The following MAFG variants were observed in gnomAD, a reference collection of about 807,000 sequenced individuals.
MAFG encodes the protein MAF bZIP transcription factor G.
Under a neutral mutation model 12.2 loss-of-function variants are expected in MAFG, and 3 were observed. The observed-to-expected ratio is 0.25, with a 90% confidence interval of 0.11 to 0.64. The LOEUF is 0.64. Among genes scored for constraint, MAFG ranks in the 30% least tolerant of loss-of-function variants. The pLI, the probability that MAFG is intolerant of heterozygous loss-of-function variation, is 0.85. For synonymous variants in MAFG, 126 were observed against 109.1 expected, an observed-to-expected ratio of 1.15 and a Z score of -0.96; for missense variants, 153 against 235.5, an observed-to-expected ratio of 0.65 and a Z score of 2.29.
intron 1 of MAFG, 48 bp from the exon 2 acceptor site, chr17:81,923,262 A>ACCTC: frequency 2.8e-6 from 1 of 361,770 alleles, no homozygotes; most frequent in Non-Finnish European, 3.9e-6. Flanking sequence ...CCCTCGCCGC[A>ACCTC]CCCCCCCCCC....
At chr17:81,925,826 AG>A (rs2040935070) in intron 1 of MAFG, among the ~76,000 whole-genome samples, 2 of 151,144 alleles carry the variant, frequency 1.3e-5, no homozygotes, top group Middle Eastern at 3.4e-3. Flanking sequence ...AAAAAAAAAA[AG>A]ATGTACATAA....
upstream of MAFG, chr17:81,929,715 G>A (rs948104570): frequency 6.5e-6 from 1 of 153,110 alleles, no homozygotes. This position sits in a 1 kb window ranked among gnomAD's most constrained non-coding sequence, Gnocchi z 5.7. Context: ...CTCTCACTCC[G>A]CACACTCATC....
upstream of MAFG, chr17:81,927,773 A>G (rs1313412780): frequency 1.3e-5 from 2 of 152,102 alleles, no homozygotes; most frequent in South Asian, 4.1e-4. Flanking sequence ...TGAAGCGGCG[A>G]CGCGGCCGGC....
At chr17:81,929,901 G>GCATCCTCCCGCCCCAGGCT (rs2040971647), upstream of MAFG, 2 of 145,466 alleles carry the variant, frequency 1.4e-5, no homozygotes, top group African/African-American at 5.7e-5. The surrounding 1 kb of genome is among the most constrained non-coding windows in gnomAD (Gnocchi z 5.7). Context: ...GCACCTCCCG[G>GCATCCTCCCGCCCCAGGCT]GCACCCTCCC....
chr17:81,927,115 C>T (rs1261691142), intron 1 of MAFG, among the ~76,000 whole-genome samples: 1 of 151,650 alleles, frequency 6.6e-6, no homozygotes, highest in Non-Finnish European at 1.5e-5. Context: ...GCTGACGCGG[C>T]CACCGGATGA....
intron 1 of MAFG, 92 bp from the exon 2 acceptor site, chr17:81,923,306 C>G: frequency 1.3e-6 from 1 of 751,222 alleles, no homozygotes; most frequent in South Asian, 1.9e-5. Context: ...GAGCCCTTGC[C>G]GCACAGCCCG....
At chr17:81,925,328 T>C (rs1050650531) in intron 1 of MAFG, among the ~76,000 whole-genome samples, 4 of 152,142 alleles carry the variant, frequency 2.6e-5, no homozygotes, top group Admixed American at 2.6e-4. Flanking sequence ...ATTTGGGAGC[T>C]CCGTCTCCTT....
In MAFG at chr17:81,922,673, C is replaced by T. The variant is rs774502626; in HGVS notation, c.421G>A (p.Val141Ile). The T allele has an allele frequency of 1.1e-5, 17 of 1,506,804 alleles. No individual in the cohort carries two copies. Among genetic ancestry groups the T allele is most frequent in the African/African-American group, 4.2e-5 (3 of 70,766 alleles). 93.3% of individuals were successfully genotyped at this position (1,506,804 alleles called of 1,614,324 possible). A position where few individuals can be genotyped will look rare whatever the true frequency, so the allele number is the denominator to read the frequency against. ...CTGGTGGCGGCCACCTTGCCTGGGA[C>T]GAGGGGCCCCAGGCCGGCGGCAAGG... ...GPLAAGLGPL[V>I]PGKVAATSVI... is the part of the protein sequence containing the mutation. The change falls in exon 3 of 3, where the codon GTC becomes ATC. Residue 141 changes from valine to isoleucine, a missense_variant. Physicochemically the swap from Val to Ile is conservative, Grantham distance 29. Transcript: ENST00000357736.
In MAFG at chr17:81,923,070, G is replaced by C. The variant is rs371380955; in HGVS notation, c.37-13C>G. 5.6e-6 allele frequency: 9 copies of C among 1,607,450 alleles called. No homozygotes were observed. In the African/African-American group the frequency reaches 1.2e-4, roughly 21 times the overall value. On this transcript the variant is annotated splice_polypyrimidine_tract_variant and intron_variant, in intron 2 of 2. Transcript: ENST00000357736. ...GCTCCCGCTTCACCTGGGGCACAGT[G>C]CAGGTGGTCACAGGCCAAGCGGGCA...
At chr17:81,930,148 T>G, upstream of MAFG, 1 of 152,210 alleles carries the variant, frequency 6.6e-6, no homozygotes, top group South Asian at 2.1e-4. This position sits in a 1 kb window ranked among gnomAD's most constrained non-coding sequence, Gnocchi z 4.1. Context: ...CCCAGACGGG[T>G]CCAGTCCAGC....
chr17:81,922,443 TCAGCC>T lies in MAFG; in HGVS notation c.*157_*161del. ...ACGACAATGACGAGATCAAAGGGGC[TCAGCC>T]CGGCGCCCCTGGGGTACAGGTTGTG... is the stretch of plus-strand genomic sequence containing the variant. On this transcript the variant is annotated 3_prime_UTR_variant, in exon 3 of 3. Coordinates refer to ENST00000357736, the MANE Select transcript of MAFG (RefSeq NM_002359.4). The T allele has an allele frequency of 7.4e-6, 4 of 537,224 alleles. No homozygotes were observed. Among genetic ancestry groups the T allele is most frequent in the Admixed American group, 3.9e-5 (1 of 25,484 alleles). 33.3% of individuals were successfully genotyped at this position (537,224 alleles called of 1,614,324 possible).
In MAFG at chr17:81,922,667, C is replaced by T. The variant is rs768656329; in HGVS notation, c.427G>A (p.Gly143Ser). Reference sequence around the variant, plus strand: ...ATGACGCTGGTGGCGGCCACCTTGCCTGGGACGAGGGGCCCCAGGCCGGCG... The same window carrying T: ...ATGACGCTGGTGGCGGCCACCTTGCTTGGGACGAGGGGCCCCAGGCCGGCG... ...LAAGLGPLVP[G>S]KVAATSVITI... Residue 143 changes from glycine (G) to serine (S), a missense_variant, in exon 3 of 3, where the codon GGC (glycine) becomes AGC (serine). Around this residue, in one of 3 missense-constraint regions of MAFG, gnomAD observed 81 missense variants for 94.7 expected, o/e 0.86. Coordinates refer to ENST00000357736, the MANE Select transcript of MAFG (RefSeq NM_002359.4). 7 of 1,506,702 alleles carry T rather than the reference C, an allele frequency of 4.6e-6. No homozygotes were observed. In the African/African-American group the frequency reaches 7.1e-5, roughly 15 times the overall value. 93.3% of individuals were successfully genotyped at this position (1,506,702 alleles called of 1,614,324 possible). A position where few individuals can be genotyped will look rare whatever the true frequency, so the allele number is the denominator to read the frequency against.
upstream of MAFG, among the ~76,000 whole-genome samples, chr17:81,928,977 G>T (rs1206841357): frequency 6.6e-6 from 1 of 152,104 alleles, no homozygotes; most frequent in Non-Finnish European, 1.5e-5. This position sits in a 1 kb window ranked among gnomAD's most constrained non-coding sequence, Gnocchi z 8.1. Flanking sequence ...GCGGGCCCCC[G>T]AGTCTCCTCA....
chr17:81,927,996 G>A (rs2040956966), upstream of MAFG: 1 of 152,280 alleles, frequency 6.6e-6, no homozygotes, highest in Admixed American at 6.5e-5. Context: ...CCGCCGTCCA[G>A]GGCCCCTGTC....
intron 1 of MAFG, among the ~76,000 whole-genome samples, chr17:81,927,101 G>A (rs991862582): frequency 6.6e-6 from 1 of 150,992 alleles, no homozygotes; most frequent in Non-Finnish European, 1.5e-5. Context: ...CCGCGCCGGG[G>A]AGAGCTGACG....
intron 1 of MAFG, 57 bp from the exon 2 acceptor site, chr17:81,923,271 C>CCCCA: frequency 1.0e-6 from 1 of 962,874 alleles, no homozygotes. Flanking sequence ...CACCCCCCCC[C>CCCCA]CCCCGCCCCC....
At chr17:81,925,479 A>C (rs74006137) in intron 1 of MAFG, among the ~76,000 whole-genome samples, 5,766 of 152,272 alleles carry the variant, frequency 0.038, 370 homozygotes, top group African/African-American at 0.13. Flanking sequence ...ACAGAACCTA[A>C]AACTTAGTTT....
In MAFG at chr17:81,924,618, G is replaced by A. The variant is rs577037493; in HGVS notation, c.-29-1404C>T. 6.6e-6 allele frequency: 1 copy of A among 152,386 alleles called. No homozygotes were observed. Among genetic ancestry groups the A allele is most frequent in the South Asian group, 2.1e-4 (1 of 4,836 alleles). The allele number at this position is 152,386 out of a possible 1,614,324, so 9.4% of individuals were successfully genotyped here. A position where few individuals can be genotyped will look rare whatever the true frequency, so the allele number is the denominator to read the frequency against. On this transcript the variant is annotated intron_variant, in intron 1 of 2. Transcript: ENST00000357736. This position sits in a 1 kb window ranked among gnomAD's most constrained non-coding sequence, Gnocchi z 4.7. ...CTGCAAGCACAGAGCAGGGAGGGGA[G>A]GCCAGAGACCCCTCCCCACAGCCAA...
At chr17:81,925,029 G>A (rs1567915671) in intron 1 of MAFG, among the ~76,000 whole-genome samples, 1 of 152,250 alleles carries the variant, frequency 6.6e-6, no homozygotes, top group Admixed American at 6.5e-5. Flanking sequence ...GCCGGGGGGT[G>A]GGGGAGGGGC....
Sources: allele counts gnomAD v4.1 joint callset (sites outside exome capture counted in the v4.1 genomes callset), GRCh38; gene constraint gnomAD v4.1.1; regional missense constraint gnomAD v4.1.1; non-coding constraint Gnocchi (gnomAD v3.1); transcripts MANE v1.5; gene names NCBI Gene and HGNC (gene_info 2026-07-23, HGNC 2026-07-21).